SLC17A9: variants seen among roughly 807,000 people sequenced by gnomAD.
SLC17A9 encodes solute carrier family 17 member 9.
SLC17A9 carries 49 observed loss-of-function variants against 55.0 expected under a neutral mutation model. The observed-to-expected ratio is 0.89, with a 90% CI of 0.71 to 1.13. The LOEUF (loss-of-function observed/expected upper bound fraction) is 1.13, where lower values mean the gene tolerates loss of function less well. SLC17A9 is among the 50% of genes most tolerant of loss of function. SLC17A9 has a pLI of 0.00. For missense variants in SLC17A9, 526 were observed against 569.3 expected, an observed-to-expected ratio of 0.92 and a Z score of 0.77; for synonymous variants, 256 against 247.4, an observed-to-expected ratio of 1.03 and a Z score of -0.32.
chr20:62,960,958 G>C (rs1179255763), intron 4 of SLC17A9, among the ~76,000 whole-genome samples: 4 of 152,258 alleles, frequency 2.6e-5, no homozygotes, highest in East Asian at 1.9e-4. Context: ...CCCTCGACAG[G>C]AGAGTCTGTG....
chr20:62,966,934 G>A, intron 12 of SLC17A9: 1 of 637,748 alleles, frequency 1.6e-6, no homozygotes, highest in East Asian at 2.9e-5. Context: ...GGTGGCTCAT[G>A]AGTCGCCATC....
intron 4 of SLC17A9, among the ~76,000 whole-genome samples, chr20:62,961,297 C>T (rs2065586309): frequency 1.7e-5 from 1 of 59,892 alleles, no homozygotes; most frequent in Non-Finnish European, 3.3e-5. Flanking sequence ...GGCTGGAGGG[C>T]GGCTTGTCCT....
intron 2 of SLC17A9, 97 bp downstream of exon 2, chr20:62,957,059 T>G: frequency 2.8e-6 from 4 of 1,412,854 alleles, no homozygotes; most frequent in Non-Finnish European, 3.9e-6. Context: ...ACGCAGAGGA[T>G]GCGACTCCTG....
In SLC17A9 at chr20:62,963,451, C is replaced by T. The variant is rs2065606683; in HGVS notation, c.725+82C>T. The stretch of plus-strand genomic sequence containing the variant: ...GTGTGAACCTGGCCGGACCTGACAG[C>T]CCTTGAGCCAGCAGGGCCTAGGGCT... On this transcript the variant is annotated intron_variant, in intron 6 of 12. Coordinates refer to ENST00000370351, the MANE Select transcript of SLC17A9 (RefSeq NM_022082.4). The T allele has an allele frequency of 3.9e-6, 6 of 1,526,782 alleles. No homozygotes were observed. The Middle Eastern group carries it at 5.1e-4, about 129-fold the overall frequency. The allele number at this position is 1,526,782 out of a possible 1,614,324, so 94.6% of individuals were successfully genotyped here. A position where few individuals can be genotyped will look rare whatever the true frequency, so the allele number is the denominator to read the frequency against.
chr20:62,957,781 G>T (rs1195647022), intron 3 of SLC17A9, among the ~76,000 whole-genome samples: 6 of 140,168 alleles, frequency 4.3e-5, no homozygotes, highest in Non-Finnish European at 9.4e-5. Context: ...GCGTGCATGC[G>T]TGCACCTGTG....
At chr20:62,956,989 G>T (rs760469820) in intron 2 of SLC17A9, 27 bp downstream of exon 2, 6 of 1,612,366 alleles carry the variant, frequency 3.7e-6, no homozygotes, top group Non-Finnish European at 5.1e-6. Context: ...CCCATCTCCT[G>T]GCTGGTGGGG....
chr20:62,961,823 G>C (rs1215123781), intron 4 of SLC17A9, among the ~76,000 whole-genome samples: 3 of 152,220 alleles, frequency 2.0e-5, no homozygotes. Context: ...GGGGAGCAGA[G>C]ACAGGGTCAA....
In SLC17A9 at chr20:62,958,448, C is replaced by T. The variant is rs745603882; in HGVS notation, c.397+868C>T. 6.6e-5 allele frequency among the ~76,000 whole-genome samples: 10 copies of T among 152,118 alleles called. No homozygotes were observed. Among genetic ancestry groups the T allele is most frequent in the South Asian group, 4.1e-4 (2 of 4,826 alleles). On this transcript the variant is annotated intron_variant, in intron 3 of 12. Transcript: ENST00000370351. This position sits in a 1 kb window ranked among gnomAD's most constrained non-coding sequence, Gnocchi z 4.1. ...GGGGGGCCAAGGGGGCTTTGAGGGGCCCCTACTTGGCTGGGGTCCCCTGGA... is the reference window on the plus strand; with the variant it reads ...GGGGGGCCAAGGGGGCTTTGAGGGGTCCCTACTTGGCTGGGGTCCCCTGGA...
At chr20:62,953,093 G>T (rs992932869) in intron 1 of SLC17A9, 2 of 1,329,936 alleles carry the variant, frequency 1.5e-6, no homozygotes, top group South Asian at 1.3e-5. Context: ...GAGATTCCAG[G>T]ACCGGACCTG....
At chr20:62,964,142 CG>C in intron 7 of SLC17A9, 85 bp from the exon 8 acceptor site, 1 of 1,372,228 alleles carries the variant, frequency 7.3e-7, no homozygotes. Flanking sequence ...GTGGTGGGCA[CG>C]GGGGCGCTGT....
rs748189070 is a variant in SLC17A9 at position 62,964,336 on chromosome 20, C to T, written c.910+21C>T. On this transcript the variant is annotated intron_variant, in intron 8 of 12. Coordinates refer to ENST00000370351, the MANE Select transcript of SLC17A9 (RefSeq NM_022082.4). ...TCAGGGTGAGCCCCAGGGAGGGGAC[C>T]GGGGCTGGAAGCCACACCCTGGTTC... 1.7e-5 allele frequency: 27 copies of T among 1,611,638 alleles called. No homozygotes were observed. The Middle Eastern group carries it at 6.6e-4, about 39-fold the overall frequency.
Position 62,963,532 on chromosome 20 carries a change from C to CCG in SLC17A9, c.726-51_726-50insGC, listed in dbSNP as rs2065607392. ...CGCCTCTCGGGGTGGGTCCCACAGG[C>CCG]CCGGCCAGCTCGTGCGGCACCAGAG... On this transcript the variant is annotated intron_variant, in intron 6 of 12. Coordinates refer to ENST00000370351, the MANE Select transcript of SLC17A9 (RefSeq NM_022082.4). 2.3e-5 allele frequency: 36 copies of CCG among 1,551,730 alleles called. 1 individual carries two copies. In the Middle Eastern group the frequency reaches 1.2e-3, roughly 50 times the overall value.
rs2065660069 is a variant in SLC17A9, at chr20:62,968,629, TA to T, written c.*1131del. On this transcript the variant is annotated 3_prime_UTR_variant, in exon 13 of 13. Coordinates refer to ENST00000370351, the MANE Select transcript of SLC17A9 (RefSeq NM_022082.4). ...TATTTTATTTAACACCTTTGTTTTT[TA>T]AGAATGAACACGTGTTAAAGACTTT... 6.6e-6 allele frequency: 1 copy of T among 151,668 alleles called. No homozygotes were observed. The highest frequency in any genetic ancestry group is 2.1e-4 in the South Asian group (1 of 4,794). The allele number at this position is 151,668 out of a possible 1,614,324, so 9.4% of individuals were successfully genotyped here.
chr20:62,960,923 C>T (rs535396047), intron 4 of SLC17A9, among the ~76,000 whole-genome samples: 124 of 152,366 alleles, frequency 8.1e-4, no homozygotes, highest in Non-Finnish European at 1.5e-3. Context: ...TGCCAGATGC[C>T]GTCCCCACCA....
rs1273300655 is a variant in SLC17A9 at position 62,958,127 on chromosome 20, A to T, written c.397+547A>T. On this transcript the variant is annotated intron_variant, in intron 3 of 12. Transcript: ENST00000370351. This position sits in a 1 kb window ranked among gnomAD's most constrained non-coding sequence, Gnocchi z 4.1. The stretch of plus-strand genomic sequence containing the variant: ...TGTGTATGTGCGTATGCGTGCCCAT[A>T]TGCGTGTGTACGTGCGTGAGTGTGC... Among the ~76,000 whole-genome samples, 1 of 152,024 alleles carries T rather than the reference A, an allele frequency of 6.6e-6. No individual in the cohort carries two copies. Among genetic ancestry groups the T allele is most frequent in the African/African-American group, 2.4e-5 (1 of 41,392 alleles).
At chr20:62,955,306 C>T (rs1380296655) in intron 1 of SLC17A9, among the ~76,000 whole-genome samples, 1 of 151,784 alleles carries the variant, frequency 6.6e-6, no homozygotes, top group Non-Finnish European at 1.5e-5. Flanking sequence ...CGCCACTACG[C>T]CTGGCTAATT....
At chr20:62,964,429 C>G in intron 8 of SLC17A9, 114 bp downstream of exon 8, 1 of 1,037,692 alleles carries the variant, frequency 9.6e-7, no homozygotes, top group African/African-American at 1.6e-5. Flanking sequence ...AGAGCTGGGA[C>G]AGAGGGGCAC....
chr20:62,957,087 A>ATAAAT, intron 2 of SLC17A9, 125 bp downstream of exon 2: 1 of 1,363,092 alleles, frequency 7.3e-7, no homozygotes, highest in Non-Finnish European at 1.0e-6. Flanking sequence ...AGCTTGGTGG[A>ATAAAT]CACAGAGGAT....
chr20:62,963,185 T>C (rs2065603809), intron 5 of SLC17A9, 88 bp from the exon 6 acceptor site: 1 of 1,425,034 alleles, frequency 7.0e-7, no homozygotes, highest in Non-Finnish European at 9.6e-7. Context: ...CTGACCCCTC[T>C]GGAACCACCC....
Sources: gnomAD v4.1 joint callset for allele counts (sites outside exome capture counted in the v4.1 genomes callset) on GRCh38, gnomAD v4.1.1 for gene constraint, Gnocchi (gnomAD v3.1) non-coding constraint, MANE v1.5 for transcripts, NCBI Gene and HGNC (gene_info 2026-07-23, HGNC 2026-07-21) for gene names.